Variants in MYO5B observed in about 807,000 individuals in gnomAD.
MYO5B encodes the protein unconventional myosin-Vb.
A neutral mutation model predicts 229.3 loss-of-function variants in MYO5B; 143 were observed. The observed-to-expected ratio is 0.62, with a 90% CI of 0.54 to 0.72. The LOEUF is 0.72. Among genes scored for constraint, MYO5B ranks in the 30% least tolerant of loss-of-function variants. The pLI is 0.00. For synonymous variants in MYO5B, 918 were observed against 885.2 expected (o/e 1.04, Z -0.66); for missense variants, 2,321 against 2,331.0 (o/e 1.00, Z 0.09).
At chr18:50,129,462 T>C (rs1027920517) in intron 1 of MYO5B, among the ~76,000 whole-genome samples, 1 of 152,226 alleles carries the variant, frequency 6.6e-6, no homozygotes, top group African/African-American at 2.4e-5. Context: ...CTGGAGCTCT[T>C]GTCCAGCATT....
intron 22 of MYO5B, among the ~76,000 whole-genome samples, chr18:49,891,246 C>T (rs1787554): frequency 0.58 from 88,267 of 151,916 alleles, 25,811 homozygotes; most frequent in Middle Eastern, 0.67. Flanking sequence ...CTTGGCTTAT[C>T]TTCTCCCCTT....
intron 33 of MYO5B, among the ~76,000 whole-genome samples, chr18:49,846,771 C>A (rs2024132758): frequency 6.6e-6 from 1 of 152,064 alleles, no homozygotes; most frequent in Admixed American, 6.6e-5. Flanking sequence ...AGAGGATGTG[C>A]TCCAAAAGCA....
chr18:49,919,430 T>G (rs1278580016), intron 17 of MYO5B, among the ~76,000 whole-genome samples: 1 of 152,004 alleles, frequency 6.6e-6, no homozygotes, highest in Non-Finnish European at 1.5e-5. Context: ...TCTTATAAGG[T>G]TCTCATATTC....
At chr18:49,857,463 A>G (rs1318646684) in intron 29 of MYO5B, among the ~76,000 whole-genome samples, 1 of 152,166 alleles carries the variant, frequency 6.6e-6, no homozygotes, top group African/African-American at 2.4e-5. Flanking sequence ...GACTGCAGAC[A>G]CTACCTGCTT....
At chr18:50,054,839 C>A (rs1400322788) in intron 2 of MYO5B, among the ~76,000 whole-genome samples, 1 of 152,180 alleles carries the variant, frequency 6.6e-6, no homozygotes, top group Non-Finnish European at 1.5e-5. Context: ...GTAACAAGCA[C>A]AGAAAGATTG....
intron 17 of MYO5B, among the ~76,000 whole-genome samples, chr18:49,919,431 T>A (rs1227432065): frequency 1.3e-5 from 2 of 152,128 alleles, no homozygotes; most frequent in Non-Finnish European, 1.5e-5. Flanking sequence ...CTTATAAGGT[T>A]CTCATATTCT....
At chr18:50,114,917 C>T (rs1378531922) in intron 1 of MYO5B, among the ~76,000 whole-genome samples, 10 of 152,228 alleles carry the variant, frequency 6.6e-5, no homozygotes, top group Admixed American at 6.5e-4. Flanking sequence ...TTGGGTGAAG[C>T]CACATGGCAA....
intron 1 of MYO5B, among the ~76,000 whole-genome samples, chr18:50,122,196 G>A (rs764468749): frequency 1.1e-4 from 17 of 152,020 alleles, no homozygotes; most frequent in African/African-American, 4.1e-4. Flanking sequence ...GACAATTTTC[G>A]CCACCAAAAC....
At chr18:50,188,533 C>T (rs565792579) in intron 1 of MYO5B, among the ~76,000 whole-genome samples, 6 of 152,176 alleles carry the variant, frequency 3.9e-5, no homozygotes, top group Non-Finnish European at 7.4e-5. Context: ...TAAAGCATCA[C>T]ATAAAAACTA....
chr18:49,962,452 T>A (rs758050139), intron 11 of MYO5B, 46 bp from the exon 12 acceptor site: 8 of 1,613,540 alleles, frequency 5.0e-6, no homozygotes, highest in Non-Finnish European at 6.8e-6. Context: ...AGGCACACCT[T>A]AACATTCACC....
intron 4 of MYO5B, among the ~76,000 whole-genome samples, chr18:50,033,218 A>C (rs189019829): frequency 8.3e-4 from 126 of 152,250 alleles, no homozygotes; most frequent in African/African-American, 3.0e-3. Flanking sequence ...AGTGCAAGGC[A>C]GTATCTTGTG....
intron 10 of MYO5B, among the ~76,000 whole-genome samples, chr18:49,969,112 T>C (rs2025659469): frequency 6.6e-6 from 1 of 152,220 alleles, no homozygotes; most frequent in Non-Finnish European, 1.5e-5. Flanking sequence ...TAGCCATGCA[T>C]GTCCTCCCTG....
chr18:49,970,082 G>A (rs1041095649), intron 10 of MYO5B: 1 of 152,216 alleles, frequency 6.6e-6, no homozygotes, highest in Non-Finnish European at 1.5e-5. Flanking sequence ...AGACTCAAGG[G>A]GAGGAGAGGT....
At chr18:49,990,311 T>C in intron 7 of MYO5B, 128 bp downstream of exon 7, 1 of 754,312 alleles carries the variant, frequency 1.3e-6, no homozygotes, top group Non-Finnish European at 2.3e-6. Flanking sequence ...GGCCTAGGGG[T>C]TATGGCCACA....
intron 4 of MYO5B, among the ~76,000 whole-genome samples, chr18:50,006,599 C>G (rs79655697): frequency 2.0e-5 from 3 of 152,324 alleles, no homozygotes; most frequent in South Asian, 2.1e-4. Flanking sequence ...CTGGCCCCCC[C>G]TTCTGTGACA....
intron 9 of MYO5B, among the ~76,000 whole-genome samples, chr18:49,976,809 C>T (rs1389264924): frequency 6.6e-6 from 1 of 152,146 alleles, no homozygotes; most frequent in Non-Finnish European, 1.5e-5. Context: ...AACCTGTCTC[C>T]CCTGCTCCCC....
chr18:50,053,963 T>C (rs1342336042), intron 2 of MYO5B, among the ~76,000 whole-genome samples: 1 of 152,166 alleles, frequency 6.6e-6, no homozygotes, highest in African/African-American at 2.4e-5. Flanking sequence ...CCTTAATTTG[T>C]TACCAACCAT....
chr18:49,871,524 GAGTTATTTATTTTTTGACA>G lies in MYO5B; in HGVS notation c.3603+624_3603+642del, dbSNP rs571533961. On this transcript the variant is annotated intron_variant, in intron 27 of 39. Transcript: ENST00000285039. ...CTCCTGGGCAATGTAGCTGTTACCA[GAGTTATTTATTTTTTGACA>G]AGTTATTTATTTTTTGACAAGTCAA... The G allele has an allele frequency of 3.9e-3, 622 of 157,574 alleles. 6 individuals carry two copies. The highest frequency in any genetic ancestry group is 0.013 in the African/African-American group (548 of 41,572). 9.8% of individuals were successfully genotyped at this position (157,574 alleles called of 1,614,324 possible). A position where few individuals can be genotyped will look rare whatever the true frequency, so the allele number is the denominator to read the frequency against.
At chr18:49,959,708 G>T (rs565212930) in intron 12 of MYO5B, among the ~76,000 whole-genome samples, 1 of 152,184 alleles carries the variant, frequency 6.6e-6, no homozygotes, top group African/African-American at 2.4e-5. Flanking sequence ...ATTGCTTCCA[G>T]GGTTCAAGGT....
Sources: allele counts gnomAD v4.1 joint callset (sites outside exome capture counted in the v4.1 genomes callset), GRCh38; gene constraint gnomAD v4.1.1; transcripts MANE v1.5; gene names NCBI Gene and HGNC (gene_info 2026-07-23, HGNC 2026-07-21).